The following PEX5L variants were observed in gnomAD, a reference collection of about 807,000 sequenced individuals.
PEX5L encodes the protein peroxisomal biogenesis factor 5 like.
PEX5L carries 30 observed loss-of-function variants against 84.0 expected under a neutral mutation model. That is an observed-to-expected ratio of 0.36 (90% CI 0.27 to 0.48). The LOEUF is 0.48. Ranked by LOEUF, PEX5L falls within the 20% of genes least tolerant of loss-of-function variation. The pLI, the probability that PEX5L is intolerant of heterozygous loss-of-function variation, is 0.99. For synonymous variants in PEX5L, 270 were observed against 283.1 expected (o/e 0.95, Z 0.46); for missense variants, 533 against 754.6 (o/e 0.71, Z 3.44).
At chr3:179,897,688 T>C (rs537198418) in intron 3 of PEX5L, among the ~76,000 whole-genome samples, 1 of 152,256 alleles carries the variant, frequency 6.6e-6, no homozygotes, top group Non-Finnish European at 1.5e-5. Context: ...GTATGCATAG[T>C]CACAACATAA....
intron 8 of PEX5L, among the ~76,000 whole-genome samples, chr3:179,822,785 G>T (rs1680258102): frequency 6.6e-6 from 1 of 152,078 alleles, no homozygotes; most frequent in Non-Finnish European, 1.5e-5. Flanking sequence ...GCTATTATTT[G>T]CCATCCATAT....
At chr3:179,942,320 G>T (rs1776362097) in intron 2 of PEX5L, among the ~76,000 whole-genome samples, 1 of 152,200 alleles carries the variant, frequency 6.6e-6, no homozygotes, top group Admixed American at 6.5e-5. Flanking sequence ...CTTTGCACCT[G>T]GAGCCTGAGG....
chr3:179,946,423 C>T (rs1278866253), intron 2 of PEX5L, among the ~76,000 whole-genome samples: 1 of 152,168 alleles, frequency 6.6e-6, no homozygotes, highest in African/African-American at 2.4e-5. Flanking sequence ...CATCCCTTAT[C>T]TCCCAACTGA....
intron 2 of PEX5L, among the ~76,000 whole-genome samples, chr3:179,913,914 T>A (rs1766075491): frequency 6.6e-6 from 1 of 152,214 alleles, no homozygotes; most frequent in African/African-American, 2.4e-5. Flanking sequence ...CATATCATGT[T>A]AACATTTTTA....
chr3:179,940,301 G>C (rs1775724744), intron 2 of PEX5L, among the ~76,000 whole-genome samples: 1 of 151,998 alleles, frequency 6.6e-6, no homozygotes, highest in South Asian at 2.1e-4. Flanking sequence ...GAGGTGGGAA[G>C]AGAGAGAGAA....
intron 2 of PEX5L, among the ~76,000 whole-genome samples, chr3:179,903,605 G>C (rs1223514594): frequency 6.6e-6 from 1 of 152,088 alleles, no homozygotes; most frequent in African/African-American, 2.4e-5. Flanking sequence ...CCACCAAAAG[G>C]CTAATTTTTG....
chr3:179,853,964 A>G lies in PEX5L; in HGVS notation c.822+5098T>C, dbSNP rs552815174. On this transcript the variant is annotated intron_variant, in intron 8 of 14. Transcript: ENST00000467460. ...GTATCTGGGATGACAAGTACGTGCC[A>G]CCATGACTGGCTAATTTTTCTGTCT... Among the ~76,000 whole-genome samples the G allele has an allele frequency of 2.7e-5, 4 of 150,086 alleles. No homozygotes were observed. In the South Asian group the frequency reaches 8.5e-4, roughly 32 times the overall value.
chr3:179,837,772 A>G (rs575346788), intron 8 of PEX5L, among the ~76,000 whole-genome samples: 1 of 152,352 alleles, frequency 6.6e-6, no homozygotes, highest in African/African-American at 2.4e-5. Context: ...CTTGTTGCAC[A>G]CGGATAAATA....
chr3:179,843,788 G>C (rs1239199438), intron 8 of PEX5L, among the ~76,000 whole-genome samples: 1 of 152,190 alleles, frequency 6.6e-6, no homozygotes, highest in Non-Finnish European at 1.5e-5. Flanking sequence ...GGAAGTTATA[G>C]GTACAGATAG....
At chr3:179,989,053 G>A (rs1213471230) in intron 1 of PEX5L, among the ~76,000 whole-genome samples, 1 of 152,212 alleles carries the variant, frequency 6.6e-6, no homozygotes, top group Non-Finnish European at 1.5e-5. Context: ...GGAATTGACT[G>A]ACTTCATTAG....
intron 8 of PEX5L, among the ~76,000 whole-genome samples, chr3:179,835,377 TA>T (rs1734575249): frequency 6.6e-6 from 1 of 151,922 alleles, no homozygotes; most frequent in South Asian, 2.1e-4. Context: ...TTTTTTTAAA[TA>T]AAAACACTTT....
In PEX5L at chr3:179,875,385, A is replaced by T. The variant is rs1423929825; in HGVS notation, c.598T>A (p.Ser200Thr). 4 of 1,613,802 alleles carry T rather than the reference A, an allele frequency of 2.5e-6. No individual in the cohort carries two copies. In the South Asian group the frequency reaches 4.4e-5, roughly 18 times the overall value. Residue 200 changes from serine (S) to threonine (T), a missense_variant, in exon 6 of 15, where the codon TCA becomes ACA. Physicochemically the swap from Ser to Thr is moderately conservative, Grantham distance 58. This residue lies in a region of PEX5L where 259 missense variants were observed against 301.7 expected (regional missense o/e 0.86). Coordinates refer to ENST00000467460, the MANE Select transcript of PEX5L (RefSeq NM_016559.3). ...AGCTCTTTTGATCCAGTTCTAGATG[A>T]GGATGATTTTCTCTCTGCCATTGGA... ...GHPMAERKSS[S>T]SRTGSKELLW... is the part of the protein sequence containing the mutation.
chr3:180,014,102 T>A (rs1789724208), intron 1 of PEX5L, among the ~76,000 whole-genome samples: 1 of 152,304 alleles, frequency 6.6e-6, no homozygotes, highest in East Asian at 1.9e-4. Context: ...GAATGAAAAT[T>A]AATGAAATGT....
intron 8 of PEX5L, among the ~76,000 whole-genome samples, chr3:179,838,094 C>T (rs948714591): frequency 1.3e-5 from 2 of 152,088 alleles, no homozygotes; most frequent in Admixed American, 6.5e-5. Flanking sequence ...TCAATAAAGA[C>T]GTTATGTATC....
intron 4 of PEX5L, among the ~76,000 whole-genome samples, chr3:179,882,763 T>C (rs1754544546): frequency 6.6e-6 from 1 of 152,132 alleles, no homozygotes; most frequent in Admixed American, 6.5e-5. Flanking sequence ...ACATGAAGTT[T>C]TGGGTTTCAG....
chr3:180,036,658 C>G lies in PEX5L; in HGVS notation c.-59G>C. ...ACCGGATGCTTTTCCCCCGTGCTTA[C>G]TTGCCCACCAAAAGAGGGGAAAAGG... On this transcript the variant is annotated 5_prime_UTR_variant, in exon 1 of 15. Coordinates refer to ENST00000467460, the MANE Select transcript of PEX5L (RefSeq NM_016559.3). The G allele has an allele frequency of 1.9e-6, 3 of 1,596,886 alleles. No individual in the cohort carries two copies. In the South Asian group the frequency reaches 3.3e-5, roughly 18 times the overall value.
At chr3:179,907,920 T>C (rs935705255) in intron 2 of PEX5L, among the ~76,000 whole-genome samples, 2 of 152,152 alleles carry the variant, frequency 1.3e-5, no homozygotes, top group Non-Finnish European at 2.9e-5. Flanking sequence ...GGTTCCCCAG[T>C]CACCAAATGT....
intron 2 of PEX5L, among the ~76,000 whole-genome samples, chr3:179,970,604 A>G (rs540275855): frequency 6.6e-6 from 1 of 152,276 alleles, no homozygotes; most frequent in South Asian, 2.1e-4. Flanking sequence ...AGTTATTCCA[A>G]GACTAACAAG....
At chr3:179,919,445 T>C (rs1768465532) in intron 2 of PEX5L, among the ~76,000 whole-genome samples, 1 of 152,186 alleles carries the variant, frequency 6.6e-6, no homozygotes. Flanking sequence ...GGCAAATGAC[T>C]AGGGGCTCTT....
Sources: allele counts gnomAD v4.1 joint callset (sites outside exome capture counted in the v4.1 genomes callset), GRCh38; gene constraint gnomAD v4.1.1; regional missense constraint gnomAD v4.1.1; transcripts MANE v1.5; gene names NCBI Gene and HGNC (gene_info 2026-07-23, HGNC 2026-07-21).